The following ZBTB20 variants were observed in gnomAD, a reference collection of about 807,000 sequenced individuals.
The protein encoded by ZBTB20 is zinc finger and BTB domain containing 20, also known as zinc finger and BTB domain-containing protein 20.
Under a neutral mutation model 56.9 loss-of-function variants are expected in ZBTB20, and 9 were observed. The observed-to-expected ratio is 0.16, with a 90% CI of 0.10 to 0.28. The LOEUF (loss-of-function observed/expected upper bound fraction) is 0.28. Among genes scored for constraint, ZBTB20 ranks in the 10% least tolerant of loss-of-function variants. ZBTB20 has a pLI of 1.00. For synonymous variants in ZBTB20, 417 were observed against 420.7 expected (o/e 0.99, Z 0.11); for missense variants, 655 against 1,003.0 (o/e 0.65, Z 4.69).
intron 4 of ZBTB20, among the ~76,000 whole-genome samples, chr3:114,852,951 C>G (rs1308146439): frequency 6.6e-6 from 1 of 152,226 alleles, no homozygotes; most frequent in Non-Finnish European, 1.5e-5. Context: ...TTCTCAGTGT[C>G]TTGTCTTCCC....
intron 4 of ZBTB20, among the ~76,000 whole-genome samples, chr3:114,863,808 C>T (rs977059144): frequency 6.6e-6 from 1 of 151,998 alleles, no homozygotes; most frequent in Non-Finnish European, 1.5e-5. Context: ...TAAACTAATT[C>T]TTCAGCTATA....
intron 2 of ZBTB20, among the ~76,000 whole-genome samples, chr3:115,056,088 C>T (rs1270694470): frequency 1.3e-5 from 2 of 151,944 alleles, no homozygotes; most frequent in Non-Finnish European, 2.9e-5. Context: ...CTTTAAAATA[C>T]AGTCTTACAA....
chr3:115,115,101 A>G (rs945624275), intron 1 of ZBTB20, among the ~76,000 whole-genome samples: 1 of 152,098 alleles, frequency 6.6e-6, no homozygotes, highest in Non-Finnish European at 1.5e-5. Context: ...ATTTTTGACT[A>G]CATTTTAAAG....
At chr3:114,978,519 A>T (rs1252763049) in intron 2 of ZBTB20, among the ~76,000 whole-genome samples, 1 of 151,622 alleles carries the variant, frequency 6.6e-6, no homozygotes, top group African/African-American at 2.4e-5. Context: ...TATATAATAC[A>T]TCATTAAGCT....
At chr3:114,723,268 C>T (rs185732838) in intron 5 of ZBTB20, among the ~76,000 whole-genome samples, 93 of 152,232 alleles carry the variant, frequency 6.1e-4, no homozygotes, top group African/African-American at 1.8e-3. Flanking sequence ...TTCCAAACCC[C>T]ACAGCATTTT....
chr3:114,919,023 G>A (rs1226956674), intron 3 of ZBTB20, among the ~76,000 whole-genome samples: 2 of 152,144 alleles, frequency 1.3e-5, no homozygotes, highest in Non-Finnish European at 2.9e-5. Flanking sequence ...GGTGAAGTTT[G>A]TTGATACTTG....
chr3:114,744,841 T>TTAA (rs1367604964), intron 5 of ZBTB20, among the ~76,000 whole-genome samples: 1 of 151,938 alleles, frequency 6.6e-6, no homozygotes, highest in African/African-American at 2.4e-5. Flanking sequence ...AGGCATTATA[T>TTAA]AGAAAAACAC....
At chr3:114,417,277 C>CACAT (rs2088661267) in intron 7 of ZBTB20, among the ~76,000 whole-genome samples, 1 of 152,044 alleles carries the variant, frequency 6.6e-6, no homozygotes, top group Non-Finnish European at 1.5e-5. Flanking sequence ...ACAAAAATGG[C>CACAT]TGTTGCACAT....
intron 4 of ZBTB20, among the ~76,000 whole-genome samples, chr3:114,847,641 T>C (rs969763697): frequency 6.6e-5 from 10 of 152,106 alleles, no homozygotes; most frequent in African/African-American, 1.9e-4. Context: ...TCCTTTTTTT[T>C]CTGAGGTTTG....
intron 5 of ZBTB20, among the ~76,000 whole-genome samples, chr3:114,735,763 A>C (rs1290878): frequency 0.12 from 18,217 of 152,140 alleles, 1,341 homozygotes; most frequent in African/African-American, 0.21. Flanking sequence ...TTATTTTTCA[A>C]TCAAAATATA....
At chr3:114,387,677 T>C (rs1204719990) in intron 8 of ZBTB20, 1 of 152,248 alleles carries the variant, frequency 6.6e-6, no homozygotes, top group Non-Finnish European at 1.5e-5. Context: ...TCAGCATAGT[T>C]ACTCTGTGAT....
intron 1 of ZBTB20, among the ~76,000 whole-genome samples, chr3:115,072,955 A>T (rs2082463064): frequency 6.6e-6 from 1 of 152,212 alleles, no homozygotes. Flanking sequence ...TATCTGTCTT[A>T]TGAGATTGTT....
At chr3:114,913,160 C>A (rs1368221857) in intron 3 of ZBTB20, among the ~76,000 whole-genome samples, 2 of 152,050 alleles carry the variant, frequency 1.3e-5, no homozygotes, top group African/African-American at 2.4e-5. Flanking sequence ...AACCTCCAGG[C>A]TGTTCTCCAT....
chr3:114,544,422 TTTCTTTCTTTCTTTCTTTCTTTC>T (rs1265202432), intron 6 of ZBTB20, among the ~76,000 whole-genome samples: 45 of 50,080 alleles, frequency 9.0e-4, no homozygotes, highest in Admixed American at 1.8e-3. Context: ...TCTTTCTTTC[TTTCTTTCTTTCTTTCTTTCTTTC>T]TTTCTTTCTT....
intron 5 of ZBTB20, among the ~76,000 whole-genome samples, chr3:114,782,549 C>A (rs1182538811): frequency 6.6e-6 from 1 of 151,944 alleles, no homozygotes; most frequent in Non-Finnish European, 1.5e-5. Flanking sequence ...TAATAACTTT[C>A]TTTTTTAAAA....
At chr3:114,502,127 C>T (rs1218312219) in intron 6 of ZBTB20, among the ~76,000 whole-genome samples, 2 of 152,114 alleles carry the variant, frequency 1.3e-5, no homozygotes, top group Admixed American at 1.3e-4. Flanking sequence ...CTACCTCTAG[C>T]CCACTTAAAT....
At chr3:114,563,317 G>A (rs533155555) in intron 6 of ZBTB20, among the ~76,000 whole-genome samples, 7 of 152,134 alleles carry the variant, frequency 4.6e-5, no homozygotes, top group African/African-American at 7.2e-5. Flanking sequence ...AGTTTGAACC[G>A]AATCCCATTT....
chr3:114,608,821 G>A (rs1378820664), intron 6 of ZBTB20, among the ~76,000 whole-genome samples: 5 of 152,112 alleles, frequency 3.3e-5, no homozygotes, highest in Non-Finnish European at 1.5e-5. Context: ...CAATCTGGTT[G>A]ATCAGATTAC....
At chr3:114,476,396 C>T (rs973816437) in intron 7 of ZBTB20, among the ~76,000 whole-genome samples, 4 of 152,130 alleles carry the variant, frequency 2.6e-5, no homozygotes, top group African/African-American at 9.7e-5. Flanking sequence ...GGTAAAAAAG[C>T]ATATTTATGT....
Sources: allele counts gnomAD v4.1 joint callset (sites outside exome capture counted in the v4.1 genomes callset), GRCh38; gene constraint gnomAD v4.1.1; transcripts MANE v1.5; gene names NCBI Gene and HGNC (gene_info 2026-07-23, HGNC 2026-07-21).